NINJ2: variants seen among roughly 807,000 people sequenced by gnomAD.
NINJ2 encodes the protein ninjurin-2.
In NINJ2, 12 loss-of-function variants were observed where a neutral mutation model predicts 11.7. The observed-to-expected ratio is 1.02, with a 90% CI of 0.66 to 1.66. The LOEUF (loss-of-function observed/expected upper bound fraction) is 1.66, where lower values mean the gene tolerates loss of function less well. Among genes scored for constraint, NINJ2 ranks in the 40% most tolerant of loss-of-function variants. The pLI is 0.00. For missense variants in NINJ2, 187 were observed against 181.8 expected (o/e 1.03, Z -0.16); for synonymous variants, 93 against 76.8 (o/e 1.21, Z -1.10).
At chr12:625,861 T>C (rs747803270) in intron 1 of NINJ2, among the ~76,000 whole-genome samples, 1 of 152,238 alleles carries the variant, frequency 6.6e-6, no homozygotes, top group Non-Finnish European at 1.5e-5. Context: ...CATTATCCTA[T>C]GACTCATCTT....
intron 1 of NINJ2, among the ~76,000 whole-genome samples, chr12:594,953 T>A (rs2120884468): frequency 6.6e-6 from 1 of 152,226 alleles, no homozygotes; most frequent in East Asian, 1.9e-4. Context: ...GCTACAGTAA[T>A]CAACACAGTG....
chr12:605,861 C>T (rs1947936102), intron 1 of NINJ2, among the ~76,000 whole-genome samples: 2 of 152,100 alleles, frequency 1.3e-5, no homozygotes, highest in African/African-American at 4.8e-5. Context: ...TGGTGCCTCA[C>T]TGTTTAATAT....
chr12:593,820 A>C lies in NINJ2; in HGVS notation c.34-27642T>G, dbSNP rs371113184. 1.5e-3 allele frequency among the ~76,000 whole-genome samples: 232 copies of C among 152,108 alleles called. 1 individual carries two copies. The highest frequency in any genetic ancestry group is 5.4e-3 in the South Asian group (26 of 4,818). ...GAGGAAGAAAGAAAAGAAGAAGAAG[A>C]AGCAGCAGCAGCAACAGCAGCAGCA... On this transcript the variant is annotated intron_variant, in intron 1 of 3. Transcript: ENST00000305108.
intron 1 of NINJ2, among the ~76,000 whole-genome samples, chr12:629,896 A>AAAAAAAT: frequency 4.0e-4 from 4 of 9,904 alleles, no homozygotes; most frequent in Non-Finnish European, 4.7e-4. Context: ...AAAAAAAAAA[A>AAAAAAAT]ATATATATAT....
intron 1 of NINJ2, chr12:642,557 A>C (rs4980956): frequency 0.82 from 124,737 of 152,270 alleles, 51,304 homozygotes; most frequent in Non-Finnish European, 0.85. Context: ...AGGGAAGCCC[A>C]GGGAAAACTC....
intron 1 of NINJ2, among the ~76,000 whole-genome samples, chr12:578,709 T>C (rs532511922): frequency 7.9e-5 from 12 of 152,312 alleles, no homozygotes; most frequent in African/African-American, 1.4e-4. Context: ...CCTGGAAGCA[T>C]AGGCTGTGTA....
At position 613,802 on chromosome 12, in the gene NINJ2, G is replaced by C. The variant is rs576168911; in HGVS notation, c.34-47624C>G. Among the ~76,000 whole-genome samples the C allele has an allele frequency of 8.2e-4, 125 of 152,252 alleles. 1 individual carries two copies. The highest frequency in any genetic ancestry group is 3.0e-3 in the African/African-American group (123 of 41,552). ...CGCCTGTAGTCCCAGCTACTCAGGAGGCTGAGGCAGGAGAATGGCGTGAAC... is the reference window on the plus strand; with the variant it reads ...CGCCTGTAGTCCCAGCTACTCAGGACGCTGAGGCAGGAGAATGGCGTGAAC... On this transcript the variant is annotated intron_variant, in intron 1 of 3. Transcript: ENST00000305108.
At chr12:606,972 C>A (rs1947949091) in intron 1 of NINJ2, among the ~76,000 whole-genome samples, 1 of 152,192 alleles carries the variant, frequency 6.6e-6, no homozygotes, top group African/African-American at 2.4e-5. Context: ...GCATTTGAAT[C>A]CCCGGCCCCA....
chr12:590,141 A>G (rs1301270434), intron 1 of NINJ2, among the ~76,000 whole-genome samples: 1 of 152,158 alleles, frequency 6.6e-6, no homozygotes, highest in Non-Finnish European at 1.5e-5. Context: ...GTCTTGCTAT[A>G]TTGCACAGGC....
In NINJ2 at chr12:580,586, CAAAA is replaced by C. The variant is rs201288258; in HGVS notation, c.34-14412_34-14409del. 1.2e-3 allele frequency among the ~76,000 whole-genome samples: 168 copies of C among 144,042 alleles called. No individual in the cohort carries two copies. The highest frequency in any genetic ancestry group is 3.5e-3 in the Middle Eastern group (1 of 286). The allele number at this position is 144,042 out of a possible 152,430, so 94.5% of individuals were successfully genotyped here. On this transcript the variant is annotated intron_variant, in intron 1 of 3. Coordinates refer to ENST00000305108, the MANE Select transcript of NINJ2 (RefSeq NM_016533.6). The surrounding 1 kb of genome is among the most constrained non-coding windows in gnomAD (Gnocchi z 4.7). ...TGCATGACAGAGAGAGACCCTGTCT[CAAAA>C]AAAAAAAAATATATATATATATATA...
intron 1 of NINJ2, among the ~76,000 whole-genome samples, chr12:567,381 T>A (rs1947315667): frequency 1.4e-5 from 2 of 139,500 alleles, no homozygotes; most frequent in East Asian, 5.1e-4. Context: ...GCATACCAGT[T>A]AAACACTCGT....
intron 1 of NINJ2, among the ~76,000 whole-genome samples, chr12:569,124 G>A (rs986337502): frequency 6.6e-6 from 1 of 152,240 alleles, no homozygotes; most frequent in Non-Finnish European, 1.5e-5. Flanking sequence ...AGGAGGTAGG[G>A]ATGGAGGGTA....
chr12:620,547 T>G (rs1489236762), intron 1 of NINJ2, among the ~76,000 whole-genome samples: 5 of 152,262 alleles, frequency 3.3e-5, no homozygotes, highest in African/African-American at 9.6e-5. Context: ...TTTCTCAGCA[T>G]GCAGTTCTTC....
At chr12:643,512 T>G (rs1449304939) in intron 1 of NINJ2, 1 of 988,004 alleles carries the variant, frequency 1.0e-6, no homozygotes, top group African/African-American at 1.7e-5. Context: ...GAACTGTACC[T>G]CATGTCCCCT....
At chr12:604,468 T>C (rs1326673191) in intron 1 of NINJ2, among the ~76,000 whole-genome samples, 1 of 151,988 alleles carries the variant, frequency 6.6e-6, no homozygotes, top group African/African-American at 2.4e-5. Flanking sequence ...TGAAACCCCG[T>C]CTCTACTAAA....
At chr12:648,442 T>G (rs998524703) in intron 1 of NINJ2, among the ~76,000 whole-genome samples, 2 of 152,220 alleles carry the variant, frequency 1.3e-5, no homozygotes, top group Non-Finnish European at 2.9e-5. Flanking sequence ...CCATGAAGAT[T>G]CTAAGGCCCA....
At chr12:626,150 C>T (rs1322290111) in intron 1 of NINJ2, among the ~76,000 whole-genome samples, 1 of 152,220 alleles carries the variant, frequency 6.6e-6, no homozygotes, top group Non-Finnish European at 1.5e-5. Flanking sequence ...CATCAAGCCC[C>T]AGTTCTGGGT....
chr12:601,365 T>A (rs925000714), intron 1 of NINJ2, among the ~76,000 whole-genome samples: 1 of 146,958 alleles, frequency 6.8e-6, no homozygotes, highest in African/African-American at 2.5e-5. Flanking sequence ...GCTAACACAG[T>A]GAAACCCCGT....
rs532370847 is a variant in NINJ2 at position 609,018 on chromosome 12, G to T, written c.34-42840C>A. Among the ~76,000 whole-genome samples the T allele has an allele frequency of 1.8e-3, 268 of 151,948 alleles. 2 individuals are homozygous for T. Among genetic ancestry groups the T allele is most frequent in the African/African-American group, 6.2e-3 (258 of 41,366 alleles). On this transcript the variant is annotated intron_variant, in intron 1 of 3. Transcript: ENST00000305108. Reference sequence around the variant, plus strand: ...AATTCATGCACATACACGGCGCCACGCTAGGGGCTGTACGCACGCACGGCG... The same window carrying T: ...AATTCATGCACATACACGGCGCCACTCTAGGGGCTGTACGCACGCACGGCG...
Sources: gnomAD v4.1 joint callset for allele counts (sites outside exome capture counted in the v4.1 genomes callset) on GRCh38, gnomAD v4.1.1 for gene constraint, Gnocchi (gnomAD v3.1) non-coding constraint, MANE v1.5 for transcripts, NCBI Gene and HGNC (gene_info 2026-07-23, HGNC 2026-07-21) for gene names.